Variants in PCGF5 observed in about 807,000 individuals in gnomAD.
PCGF5 encodes polycomb group RING finger protein 5.
In PCGF5, 9 loss-of-function variants were observed where a neutral mutation model predicts 44.3. The ratio of observed to expected loss-of-function variants is 0.20; its 90% CI spans 0.12 to 0.35. The LOEUF (loss-of-function observed/expected upper bound fraction) is 0.35, where lower values mean the gene tolerates loss of function less well. Among genes scored for constraint, PCGF5 ranks in the 10% least tolerant of loss-of-function variants. The pLI is 1.00. For synonymous variants in PCGF5, 95 were observed against 102.5 expected (o/e 0.93, Z 0.44); for missense variants, 146 against 305.3 (o/e 0.48, Z 3.89).
upstream of PCGF5, chr10:91,220,500 G>A (rs994902723): frequency 1.3e-5 from 2 of 152,438 alleles, no homozygotes; most frequent in African/African-American, 2.4e-5. Flanking sequence ...CTGCACCTGC[G>A]AGCAGCGCAG....
At chr10:91,180,044 C>G (rs1410266218) in intron 1 of PCGF5, among the ~76,000 whole-genome samples, 3 of 152,060 alleles carry the variant, frequency 2.0e-5, no homozygotes. Flanking sequence ...GCCATTCTGA[C>G]TGGTGTGAGA....
chr10:91,191,177 TAACAAC>T (rs555804566), intron 1 of PCGF5, among the ~76,000 whole-genome samples: 1 of 152,152 alleles, frequency 6.6e-6, no homozygotes, highest in African/African-American at 2.4e-5. Flanking sequence ...AGTAAAAGAT[TAACAAC>T]AACAACAACT....
At chr10:91,156,533 G>A in the PCGF5 span, among the ~76,000 whole-genome samples, 1 of 152,172 alleles carries the variant, frequency 6.6e-6, no homozygotes, top group South Asian at 2.1e-4. Context: ...TTCTATCCAC[G>A]AGAAAGCCCT....
At chr10:91,270,120 C>T (rs980436422) in intron 8 of PCGF5, among the ~76,000 whole-genome samples, 5 of 152,196 alleles carry the variant, frequency 3.3e-5, no homozygotes, top group Non-Finnish European at 7.3e-5. Flanking sequence ...TCCCTGAGAG[C>T]TTATTGTCAA....
intron 1 of PCGF5, among the ~76,000 whole-genome samples, chr10:91,192,212 G>C (rs1844045944): frequency 6.6e-6 from 1 of 152,110 alleles, no homozygotes; most frequent in Non-Finnish European, 1.5e-5. Flanking sequence ...AGAGGCATTT[G>C]TGGAATTTTT....
At chr10:91,256,684 G>A (rs1845760097) in intron 6 of PCGF5, among the ~76,000 whole-genome samples, 1 of 152,042 alleles carries the variant, frequency 6.6e-6, no homozygotes. Context: ...AATCTTGAAA[G>A]CAACAATATA....
chr10:91,196,367 T>C (rs1844134775), intron 1 of PCGF5, among the ~76,000 whole-genome samples: 1 of 152,234 alleles, frequency 6.6e-6, no homozygotes, highest in South Asian at 2.1e-4. Flanking sequence ...TATTAGACTT[T>C]CTAAGCAAGA....
In PCGF5 at chr10:91,222,845, A is replaced by G. The variant is rs374274424; in HGVS notation, c.-27A>G. 12 of 1,420,018 alleles carry G rather than the reference A, an allele frequency of 8.5e-6. No homozygotes were observed. The highest frequency in any genetic ancestry group is 1.1e-5 in the Non-Finnish European group (11 of 1,003,744). 88.0% of individuals were successfully genotyped at this position (1,420,018 alleles called of 1,614,324 possible). On this transcript the variant is annotated 5_prime_UTR_variant, in exon 2 of 10. Transcript: ENST00000336126. The stretch of plus-strand genomic sequence containing the variant: ...CTTAGGACCCCTCTTTGCCCAGACT[A>G]CTAAAGCCAGTCTTCACTAGCCACG...
intron 1 of PCGF5, among the ~76,000 whole-genome samples, chr10:91,176,091 T>C (rs184555841): frequency 6.6e-6 from 1 of 152,308 alleles, no homozygotes; most frequent in East Asian, 1.9e-4. Context: ...CAGGAGCTCT[T>C]GTAGGGCAGG....
intron 9 of PCGF5, among the ~76,000 whole-genome samples, chr10:91,276,724 A>G (rs963702115): frequency 6.6e-6 from 1 of 152,226 alleles, no homozygotes; most frequent in Non-Finnish European, 1.5e-5. Flanking sequence ...ATACTTCCAT[A>G]TATGATTAAT....
At chr10:91,262,626 C>T (rs776436350) in intron 7 of PCGF5, among the ~76,000 whole-genome samples, 4 of 152,106 alleles carry the variant, frequency 2.6e-5, no homozygotes, top group Non-Finnish European at 5.9e-5. Context: ...TGATCCTGAG[C>T]TTATTTGAAA....
intron 6 of PCGF5, among the ~76,000 whole-genome samples, chr10:91,258,769 TTTAAC>T (rs1347609651): frequency 7.9e-5 from 12 of 152,176 alleles, no homozygotes; most frequent in Non-Finnish European, 1.5e-4. Flanking sequence ...AGATGTAACT[TTTAAC>T]TTCTGTTTTC....
intron 6 of PCGF5, among the ~76,000 whole-genome samples, chr10:91,255,720 A>T (rs935909159): frequency 1.3e-5 from 2 of 152,088 alleles, no homozygotes; most frequent in African/African-American, 4.8e-5. Context: ...TATATTATTT[A>T]AAATGTCTAG....
rs902923198 is a variant in PCGF5, at chr10:91,264,392, A to C, written c.574-39A>C. On this transcript the variant is annotated intron_variant, in intron 7 of 9. Coordinates refer to ENST00000336126, the MANE Select transcript of PCGF5 (RefSeq NM_032373.5). ...AAATATGCAAAATACTTTTGAATTC[A>C]ACATTATGTTAATAGATCTATAATG... 4 of 1,455,264 alleles carry C rather than the reference A, an allele frequency of 2.7e-6. No homozygotes were observed. The African/African-American group carries it at 5.7e-5, about 21-fold the overall frequency. The allele number at this position is 1,455,264 out of a possible 1,614,324, so 90.1% of individuals were successfully genotyped here.
intron 1 of PCGF5, among the ~76,000 whole-genome samples, chr10:91,169,818 A>G (rs1444421466): frequency 1.3e-5 from 2 of 152,230 alleles, no homozygotes; most frequent in Non-Finnish European, 2.9e-5. Flanking sequence ...AAATAGCACA[A>G]TACTGAAGGA....
intron 6 of PCGF5, among the ~76,000 whole-genome samples, chr10:91,257,339 C>G (rs911244852): frequency 6.6e-6 from 1 of 151,974 alleles, no homozygotes; most frequent in Non-Finnish European, 1.5e-5. Context: ...AAATTGAAAC[C>G]TTATACGTTG....
At chr10:91,194,659 G>A (rs1427289230) in intron 1 of PCGF5, among the ~76,000 whole-genome samples, 1 of 152,134 alleles carries the variant, frequency 6.6e-6, no homozygotes, top group Admixed American at 6.6e-5. Context: ...ATATGAGTCT[G>A]GAGGTGAGGA....
At chr10:91,274,878 C>A (rs1323616809) in intron 9 of PCGF5, among the ~76,000 whole-genome samples, 2 of 151,948 alleles carry the variant, frequency 1.3e-5, no homozygotes, top group African/African-American at 4.8e-5. Flanking sequence ...TCTAGTAGGG[C>A]TTATTTTTAA....
upstream of PCGF5, among the ~76,000 whole-genome samples, chr10:91,159,523 A>G (rs1233324991): frequency 1.3e-5 from 2 of 152,058 alleles, no homozygotes; most frequent in Non-Finnish European, 2.9e-5. Flanking sequence ...AGAAGTCAGC[A>G]CTCCAGAGGA....
Sources: gnomAD v4.1 joint callset for allele counts (sites outside exome capture counted in the v4.1 genomes callset) on GRCh38, gnomAD v4.1.1 for gene constraint, MANE v1.5 for transcripts, NCBI Gene and HGNC (gene_info 2026-07-23, HGNC 2026-07-21) for gene names.